The following PHC3 variants were observed in gnomAD, a reference collection of about 807,000 sequenced individuals.
PHC3 encodes polyhomeotic-like protein 3.
A neutral mutation model predicts 107.4 loss-of-function variants in PHC3; 13 were observed. The observed-to-expected ratio is 0.12, with a 90% CI of 0.08 to 0.19. The LOEUF (loss-of-function observed/expected upper bound fraction) is 0.19, where lower values mean the gene tolerates loss of function less well. Among genes scored for constraint, PHC3 ranks in the 10% least tolerant of loss-of-function variants. The probability of loss-of-function intolerance (pLI) is 1.00; values close to 1 mark genes in which losing one functional copy is unlikely to be tolerated. For missense variants in PHC3, 992 were observed against 1,210.9 expected (o/e 0.82, Z 2.68); for synonymous variants, 456 against 427.4 (o/e 1.07, Z -0.83).
At position 170,113,403 on chromosome 3, in the gene PHC3, C is replaced by T. The variant is rs1282395312; in HGVS notation, c.2310G>A (p.Ala770=). The T allele has an allele frequency of 3.7e-6, 6 of 1,610,960 alleles. No individual in the cohort carries two copies. Among genetic ancestry groups the T allele is most frequent in the East Asian group, 2.2e-5 (1 of 44,698 alleles). ...CCATCTCTGTGTCAGATGAATTATCCGCATGTTTTGTATTATTCTGTAGCT... is the reference window on the plus strand; with the variant it reads ...CCATCTCTGTGTCAGATGAATTATCTGCATGTTTTGTATTATTCTGTAGCT... ...QPELQNNTKH[A]DNSSDTEMED... Residue 770 remains alanine (A), a synonymous_variant, in exon 11 of 15, where the codon GCG becomes GCA. Coordinates refer to ENST00000495893, the MANE Select transcript of PHC3 (RefSeq NM_024947.4).
At chr3:170,111,317 G>GAACGAACGAAC (rs1560033400) in intron 11 of PHC3, among the ~76,000 whole-genome samples, 2,225 of 107,352 alleles carry the variant, frequency 0.021, 33 homozygotes, top group Non-Finnish European at 0.033. Flanking sequence ...AAGGAAGGAA[G>GAACGAACGAAC]GAACGAACGA....
Position 170,136,650 on chromosome 3 carries a change from A to G in PHC3, c.688T>C (p.Leu230=), listed in dbSNP as rs1354863169. ...SAATQVQNLT[L]RSQKLGVLSS... is the part of the protein sequence containing the mutation. ...AATACACCCAACTTCTGGCTGCGTAATGTTAAATTCTGAACCTAAGAACCA... is the reference window on the plus strand; with the variant it reads ...AATACACCCAACTTCTGGCTGCGTAGTGTTAAATTCTGAACCTAAGAACCA... The change falls in exon 7 of 15, where the codon TTA becomes CTA. Residue 230 remains leucine (L), a synonymous_variant. Transcript: ENST00000495893. 1 of 1,613,370 alleles carries G rather than the reference A, an allele frequency of 6.2e-7. No homozygotes were observed. The highest frequency in any genetic ancestry group is 1.7e-5 in the Admixed American group (1 of 59,910).
At position 170,136,675 on chromosome 3, in the gene PHC3, A is replaced by G. The variant is rs779057196; in HGVS notation, c.673-10T>C. ...ATGTTAAATTCTGAACCTAAGAACC[A>G]CATAACAGAAAATTAGGATGAAAAC... On this transcript the variant is annotated splice_polypyrimidine_tract_variant and intron_variant, in intron 6 of 14. Transcript: ENST00000495893. 58 of 1,611,250 alleles carry G rather than the reference A, an allele frequency of 3.6e-5. No homozygotes were observed. The highest frequency in any genetic ancestry group is 4.6e-5 in the Non-Finnish European group (54 of 1,178,650).
At chr3:170,136,795 G>T in intron 6 of PHC3, 130 bp from the exon 7 acceptor site, 2 of 925,230 alleles carry the variant, frequency 2.2e-6, no homozygotes, top group Non-Finnish European at 3.1e-6. Context: ...CCAAGCACTT[G>T]AAAGAACTGA....
At chr3:170,148,831 A>C (rs917052340) in intron 5 of PHC3, 1 of 291,136 alleles carries the variant, frequency 3.4e-6, no homozygotes, top group Non-Finnish European at 6.4e-6. Flanking sequence ...ATTAAAAAAT[A>C]ATCACTCTTA....
At chr3:170,175,802 T>C (rs1730341938) in intron 2 of PHC3, among the ~76,000 whole-genome samples, 2 of 151,706 alleles carry the variant, frequency 1.3e-5, no homozygotes, top group Admixed American at 1.3e-4. Context: ...CACGTGCCTG[T>C]AGTCCCAGCT....
intron 7 of PHC3, among the ~76,000 whole-genome samples, chr3:170,130,185 A>T (rs1722023892): frequency 6.6e-6 from 1 of 152,228 alleles, no homozygotes; most frequent in African/African-American, 2.4e-5. Context: ...TATACACTTG[A>T]ATTTCTTCTT....
intron 7 of PHC3, among the ~76,000 whole-genome samples, chr3:170,132,427 G>T (rs890059837): frequency 6.6e-6 from 1 of 152,186 alleles, no homozygotes; most frequent in African/African-American, 2.4e-5. Context: ...CACAAAATTC[G>T]TATGCTGAAG....
intron 6 of PHC3, among the ~76,000 whole-genome samples, chr3:170,138,689 C>CAAAAA (rs11284597): frequency 1.8e-4 from 15 of 81,268 alleles, no homozygotes; most frequent in African/African-American, 5.5e-4. Flanking sequence ...GACTCTGTCT[C>CAAAAA]AAAAAAAAAA....
intron 4 of PHC3, among the ~76,000 whole-genome samples, chr3:170,161,771 G>A (rs376480786): frequency 6.6e-6 from 1 of 152,188 alleles, no homozygotes; most frequent in African/African-American, 2.4e-5. Flanking sequence ...CTCTCCTCCT[G>A]GCTTGTGGAC....
At chr3:170,113,116 CCACT>C (rs1718157383) in intron 11 of PHC3, among the ~76,000 whole-genome samples, 1 of 152,112 alleles carries the variant, frequency 6.6e-6, no homozygotes, top group South Asian at 2.1e-4. Context: ...GGAACTTTTC[CCACT>C]CACACTCCTT....
In PHC3 at chr3:170,129,317, T is replaced by G. The variant is rs772422956; in HGVS notation, c.1155A>C (p.Ser385=). 6.2e-7 allele frequency: 1 copy of G among 1,613,916 alleles called. No individual in the cohort carries two copies. The highest frequency in any genetic ancestry group is 8.5e-7 in the Non-Finnish European group (1 of 1,179,860). Residue 385 remains serine, a synonymous_variant, in exon 8 of 15, where the codon TCA becomes TCC. Coordinates refer to ENST00000495893, the MANE Select transcript of PHC3 (RefSeq NM_024947.4). ...AAGGAGAGGGATGACTCTGAATCGG[T>G]GAACAATGCTGTGACTGGGCATTAC... ...APSNAQSQHC[S]PIQSHPSPLT... is the part of the protein sequence containing the mutation.
chr3:170,111,409 G>C (rs1426370113), intron 11 of PHC3, among the ~76,000 whole-genome samples: 2 of 150,780 alleles, frequency 1.3e-5, no homozygotes, highest in African/African-American at 4.9e-5. Flanking sequence ...AGGAAGGAAG[G>C]AAGGAAGGAA....
chr3:170,157,974 G>T (rs1278966249), intron 4 of PHC3, among the ~76,000 whole-genome samples: 1 of 151,732 alleles, frequency 6.6e-6, no homozygotes, highest in Non-Finnish European at 1.5e-5. Context: ...TTTAAAAATG[G>T]TAGAACATTA....
At chr3:170,111,309 G>GGAAA (rs1274761613) in intron 11 of PHC3, among the ~76,000 whole-genome samples, 1 of 97,870 alleles carries the variant, frequency 1.0e-5, no homozygotes, top group African/African-American at 4.0e-5. Context: ...AAGGAAGGAA[G>GGAAA]GAAGGAAGGA....
intron 4 of PHC3, among the ~76,000 whole-genome samples, chr3:170,156,149 C>T (rs1726861994): frequency 6.6e-6 from 1 of 152,122 alleles, no homozygotes; most frequent in Non-Finnish European, 1.5e-5. Context: ...GAGATGGGGT[C>T]TACGTAGTTC....
At chr3:170,120,467 G>A (rs1720043804) in intron 9 of PHC3, among the ~76,000 whole-genome samples, 1 of 151,878 alleles carries the variant, frequency 6.6e-6, no homozygotes, top group African/African-American at 2.4e-5. Flanking sequence ...CAGCTACTCA[G>A]GATACTGAAG....
Position 170,122,685 on chromosome 3 carries a change from G to A in PHC3, c.1848C>T (p.Val616=), listed in dbSNP as rs1158707224. 1 of 1,613,780 alleles carries A rather than the reference G, an allele frequency of 6.2e-7. No homozygotes were observed. Among genetic ancestry groups the A allele is most frequent in the Non-Finnish European group, 8.5e-7 (1 of 1,179,874 alleles). Residue 616 remains valine, a synonymous_variant, in exon 9 of 15, where the codon GTC becomes GTT. Coordinates refer to ENST00000495893, the MANE Select transcript of PHC3 (RefSeq NM_024947.4). The stretch of plus-strand genomic sequence containing the variant: ...GTGGTGGTGGGGTTCTATCCATCCG[G>A]ACACATTCATCTGACTCTTCTGGCA... ...EEMPEESDEC[V]RMDRTPPPPT...
intron 6 of PHC3, among the ~76,000 whole-genome samples, chr3:170,141,568 C>T (rs1724100018): frequency 6.6e-6 from 1 of 152,102 alleles, no homozygotes; most frequent in Non-Finnish European, 1.5e-5. Context: ...TTTTCCTAAG[C>T]AGCTGGTTTG....
Sources: allele counts gnomAD v4.1 joint callset (sites outside exome capture counted in the v4.1 genomes callset), GRCh38; gene constraint gnomAD v4.1.1; transcripts MANE v1.5; gene names NCBI Gene and HGNC (gene_info 2026-07-23, HGNC 2026-07-21).